The following ERBB4 variants were observed in gnomAD, a reference collection of about 807,000 sequenced individuals.
The protein encoded by ERBB4 is erb-b2 receptor tyrosine kinase 4.
A neutral mutation model predicts 158.0 loss-of-function variants in ERBB4; 42 were observed. That is an observed-to-expected ratio of 0.27 (90% CI 0.21 to 0.34). ERBB4 has a LOEUF of 0.34. ERBB4 is among the 10% of genes least tolerant of loss of function. The pLI, the probability that ERBB4 is intolerant of heterozygous loss-of-function variation, is 1.00. For synonymous variants in ERBB4, 583 were observed against 558.7 expected (o/e 1.04, Z -0.61); for missense variants, 1,333 against 1,624.1 (o/e 0.82, Z 3.08).
chr2:212,123,760 C>A (rs1032169910), intron 2 of ERBB4, among the ~76,000 whole-genome samples: 2 of 152,096 alleles, frequency 1.3e-5, no homozygotes, highest in Non-Finnish European at 1.5e-5. Flanking sequence ...AATATCACTC[C>A]TTTTCACGAC....
At chr2:212,120,779 A>G (rs1559536055) in intron 2 of ERBB4, among the ~76,000 whole-genome samples, 1 of 152,206 alleles carries the variant, frequency 6.6e-6, no homozygotes, top group Non-Finnish European at 1.5e-5. Flanking sequence ...TCACTCTTAG[A>G]GGAAGGAAAC....
At chr2:212,338,326 T>A (rs1379316661) in intron 1 of ERBB4, among the ~76,000 whole-genome samples, 1 of 152,046 alleles carries the variant, frequency 6.6e-6, no homozygotes, top group Non-Finnish European at 1.5e-5. Context: ...GGCAGTAAGT[T>A]TTTTCCCAAA....
In ERBB4 at chr2:212,016,333, A is replaced by C. The variant is rs185808246; in HGVS notation, c.235-68717T>G. Among the ~76,000 whole-genome samples, 198 of 152,238 alleles carry C rather than the reference A, an allele frequency of 1.3e-3. 2 individuals carry two copies. Among genetic ancestry groups the C allele is most frequent in the Admixed American group, 3.5e-3 (53 of 15,290 alleles). On this transcript the variant is annotated intron_variant, in intron 2 of 27. Coordinates refer to ENST00000342788, the MANE Select transcript of ERBB4 (RefSeq NM_005235.3). ...GAAAAGTGGACTGAAACCCAGGTAA[A>C]TCAACTATGAAAAAAGACGAATTAT...
chr2:211,498,394 T>C (rs1194449818), intron 20 of ERBB4, among the ~76,000 whole-genome samples: 3 of 152,122 alleles, frequency 2.0e-5, no homozygotes, highest in Non-Finnish European at 4.4e-5. Flanking sequence ...CTTTGGTACA[T>C]TAAAGTTTTA....
intron 1 of ERBB4, among the ~76,000 whole-genome samples, chr2:212,396,342 T>C (rs1049152006): frequency 1.3e-5 from 2 of 152,118 alleles, no homozygotes; most frequent in Non-Finnish European, 2.9e-5. Context: ...AAAGCCTAAC[T>C]TAAGAAGCCA....
chr2:211,583,315 CA>C (rs2068158650), intron 19 of ERBB4, among the ~76,000 whole-genome samples: 1 of 151,858 alleles, frequency 6.6e-6, no homozygotes, highest in African/African-American at 2.4e-5. Flanking sequence ...AATGTCTACA[CA>C]GATAAAAAAC....
chr2:211,763,177 A>C (rs771926487), intron 4 of ERBB4, among the ~76,000 whole-genome samples: 1 of 152,150 alleles, frequency 6.6e-6, no homozygotes, highest in Non-Finnish European at 1.5e-5. Context: ...ATATTTGTAC[A>C]TTTTATCCTG....
chr2:211,783,961 T>C (rs1446367159), intron 4 of ERBB4, among the ~76,000 whole-genome samples: 2 of 152,216 alleles, frequency 1.3e-5, no homozygotes, highest in African/African-American at 4.8e-5. Flanking sequence ...CTCCTCCTTG[T>C]ACCTCTGGTA....
At chr2:212,247,357 C>A (rs1352391429) in intron 1 of ERBB4, among the ~76,000 whole-genome samples, 1 of 151,708 alleles carries the variant, frequency 6.6e-6, no homozygotes, top group Non-Finnish European at 1.5e-5. Flanking sequence ...GTTCCCTTTT[C>A]AAAAAAAATT....
chr2:212,447,471 CTCTTT>C (rs202229885), intron 1 of ERBB4, among the ~76,000 whole-genome samples: 3,279 of 152,262 alleles, frequency 0.022, 72 homozygotes, highest in Admixed American at 0.039. Flanking sequence ...TTTCCACCCT[CTCTTT>C]TATTATGAGC....
At chr2:211,443,293 A>G (rs937236902) in intron 20 of ERBB4, among the ~76,000 whole-genome samples, 1 of 152,122 alleles carries the variant, frequency 6.6e-6, no homozygotes, top group East Asian at 1.9e-4. Flanking sequence ...GATTTTTATT[A>G]CATTGTCCCT....
At chr2:212,025,844 C>T (rs2076760374) in intron 2 of ERBB4, among the ~76,000 whole-genome samples, 1 of 151,648 alleles carries the variant, frequency 6.6e-6, no homozygotes, top group Non-Finnish European at 1.5e-5. Context: ...AACATAATTA[C>T]ACCGATAATC....
chr2:212,380,855 T>C (rs1029310358), intron 1 of ERBB4, among the ~76,000 whole-genome samples: 1 of 151,172 alleles, frequency 6.6e-6, no homozygotes, highest in Admixed American at 6.6e-5. Flanking sequence ...TTACTTAAAG[T>C]TTATTCAAAT....
chr2:212,056,062 C>G (rs1037974698), intron 2 of ERBB4, among the ~76,000 whole-genome samples: 8 of 152,096 alleles, frequency 5.3e-5, no homozygotes, highest in Non-Finnish European at 8.8e-5. Flanking sequence ...ACTAGAATAA[C>G]CAATGTAGAG....
chr2:212,218,251 T>C (rs970112195), intron 1 of ERBB4, among the ~76,000 whole-genome samples: 3 of 151,374 alleles, frequency 2.0e-5, no homozygotes, highest in African/African-American at 7.3e-5. Context: ...TAATGAATAA[T>C]ATCTGAAGTA....
chr2:211,735,197 T>G (rs777080252), intron 5 of ERBB4, among the ~76,000 whole-genome samples: 9 of 148,856 alleles, frequency 6.0e-5, no homozygotes, highest in Admixed American at 1.4e-4. Context: ...ATTTTTAACT[T>G]TATGACCTGA....
At chr2:211,533,612 A>T (rs2066563384) in intron 20 of ERBB4, among the ~76,000 whole-genome samples, 3 of 152,048 alleles carry the variant, frequency 2.0e-5, no homozygotes, top group Admixed American at 2.0e-4. Context: ...TGTCACTGGA[A>T]ATATTTAAAT....
chr2:211,725,215 A>G, intron 5 of ERBB4, 21 bp from the exon 6 acceptor site: 10 of 1,574,056 alleles, frequency 6.4e-6, no homozygotes, highest in Non-Finnish European at 8.7e-6. Context: ...CAGAGATAGG[A>G]CCATGATCAA....
intron 3 of ERBB4, among the ~76,000 whole-genome samples, chr2:211,797,417 A>T (rs979649837): frequency 5.3e-5 from 8 of 151,924 alleles, no homozygotes; most frequent in African/African-American, 1.9e-4. Context: ...ACAATGTGTG[A>T]TTTCTACACT....
Sources: gnomAD v4.1 joint callset for allele counts (sites outside exome capture counted in the v4.1 genomes callset) on GRCh38, gnomAD v4.1.1 for gene constraint, MANE v1.5 for transcripts, NCBI Gene and HGNC (gene_info 2026-07-23, HGNC 2026-07-21) for gene names.